CFAP20: variants seen among roughly 807,000 people sequenced by gnomAD.
CFAP20 encodes cilia and flagella associated protein 20.
CFAP20 carries 14 observed loss-of-function variants against 25.5 expected under a neutral mutation model. That is an observed-to-expected ratio of 0.55 (90% CI 0.36 to 0.86). CFAP20 has a LOEUF of 0.86. Ranked by LOEUF, CFAP20 falls within the 40% of genes least tolerant of loss-of-function variation. The probability of loss-of-function intolerance (pLI) is 0.01; values close to 1 mark genes in which losing one functional copy is unlikely to be tolerated. For synonymous variants in CFAP20, 75 were observed against 91.1 expected, an observed-to-expected ratio of 0.82 and a Z score of 1.01; for missense variants, 181 against 248.0, an observed-to-expected ratio of 0.73 and a Z score of 1.81.
chr16:58,127,628 G>A (rs926140130), intron 1 of CFAP20, among the ~76,000 whole-genome samples: 3 of 152,198 alleles, frequency 2.0e-5, no homozygotes, highest in Non-Finnish European at 4.4e-5. Context: ...AAAAACCTCA[G>A]TAACGCAGCA....
At chr16:58,124,089 G>A (rs1385662656) in intron 1 of CFAP20, among the ~76,000 whole-genome samples, 2 of 152,174 alleles carry the variant, frequency 1.3e-5, no homozygotes, top group Admixed American at 6.5e-5. Flanking sequence ...TTCAGTAGGA[G>A]GCTACTACTA....
intron 1 of CFAP20, among the ~76,000 whole-genome samples, chr16:58,121,698 A>AATC (rs1960537448): frequency 6.6e-6 from 1 of 152,156 alleles, no homozygotes; most frequent in Non-Finnish European, 1.5e-5. Context: ...CCAGTCTTAC[A>AATC]ATCACTCTCC....
intron 1 of CFAP20, among the ~76,000 whole-genome samples, chr16:58,123,956 GAA>G (rs1567448661): frequency 6.6e-6 from 1 of 152,188 alleles, no homozygotes; most frequent in East Asian, 1.9e-4. Context: ...AAAGGCCTTT[GAA>G]CTGTGACTGG....
Position 58,128,077 on chromosome 16 carries a change from C to T in CFAP20, c.84+955G>A, listed in dbSNP as rs535768885. Among the ~76,000 whole-genome samples the T allele has an allele frequency of 1.7e-3, 258 of 152,318 alleles. 1 individual carries two copies. The highest frequency in any genetic ancestry group is 6.0e-3 in the African/African-American group (250 of 41,560). On this transcript the variant is annotated intron_variant, in intron 1 of 5. Coordinates refer to ENST00000262498, the MANE Select transcript of CFAP20 (RefSeq NM_013242.3). ...AGTACTAAGAATATGACTTAAATTT[C>T]ACATTGGAGTGCCTCCCGTAACTTA...
chr16:58,122,921 G>A (rs1208966872), intron 1 of CFAP20, among the ~76,000 whole-genome samples: 1 of 152,206 alleles, frequency 6.6e-6, no homozygotes, highest in Non-Finnish European at 1.5e-5. Flanking sequence ...CTGAGAGAAA[G>A]ACAGGGTGAC....
At position 58,114,881 on chromosome 16, in the gene CFAP20, C is replaced by A; in HGVS notation, c.505G>T (p.Asp169Tyr). The A allele has an allele frequency of 6.2e-7, 1 of 1,614,120 alleles. No individual in the cohort carries two copies. The highest frequency in any genetic ancestry group is 8.5e-7 in the Non-Finnish European group (1 of 1,180,006). ...NCRIRRVYFS[D>Y]RLYSEDELPA... The stretch of plus-strand genomic sequence containing the variant: ...AGCTCATCTTCTGAGTAGAGTCTGT[C>A]TGAGAAGTAAACCCGTCGGATGCGA... Residue 169 changes from aspartate (D) to tyrosine (Y), a missense_variant, in exon 5 of 6, where the codon GAC (aspartate) becomes TAC (tyrosine). Physicochemically the swap from Asp to Tyr is radical, Grantham distance 160. Coordinates refer to ENST00000262498, the MANE Select transcript of CFAP20 (RefSeq NM_013242.3).
At position 58,113,923 on chromosome 16, in the gene CFAP20, G is replaced by C; in HGVS notation, c.*102C>G. On this transcript the variant is annotated 3_prime_UTR_variant, in exon 6 of 6. Transcript: ENST00000262498. ...AAGTATAAATAACAGAACTACAGCA[G>C]AGCAAACTAAGATAAATATGTTTTT... 1.5e-6 allele frequency: 2 copies of C among 1,356,658 alleles called. No individual in the cohort carries two copies. Among genetic ancestry groups the C allele is most frequent in the South Asian group, 2.3e-5 (2 of 85,482 alleles). The allele number at this position is 1,356,658 out of a possible 1,614,324, so 84.0% of individuals were successfully genotyped here.
rs1365968296 is a variant in CFAP20, at chr16:58,115,100, G to A, written c.465+169C>T. 3.8e-6 allele frequency: 4 copies of A among 1,064,392 alleles called. No homozygotes were observed. The East Asian group carries it at 9.9e-5, about 26-fold the overall frequency. 65.9% of individuals were successfully genotyped at this position (1,064,392 alleles called of 1,614,324 possible). On this transcript the variant is annotated intron_variant, in intron 4 of 5. Transcript: ENST00000262498. ...ACTTGCTGTATTCACCTCTATACCT[G>A]ACCCGACTTCTGAATATTTCCTGGA...
In CFAP20 at chr16:58,113,863, C is replaced by T. The variant is rs529377647; in HGVS notation, c.*162G>A. On this transcript the variant is annotated 3_prime_UTR_variant, in exon 6 of 6. Transcript: ENST00000262498. Reference sequence around the variant, plus strand: ...CACTTACAATGCAGTCACAGAGTTACGGCATGTTCACCGGTGTCCATGACA... The same window carrying T: ...CACTTACAATGCAGTCACAGAGTTATGGCATGTTCACCGGTGTCCATGACA... 8.6e-5 allele frequency: 68 copies of T among 786,914 alleles called. No individual in the cohort carries two copies. The highest frequency in any genetic ancestry group is 7.7e-4 in the African/African-American group (45 of 58,170). The allele number at this position is 786,914 out of a possible 1,614,324, so 48.7% of individuals were successfully genotyped here.
chr16:58,127,276 T>C (rs1393345226), intron 1 of CFAP20, among the ~76,000 whole-genome samples: 1 of 152,234 alleles, frequency 6.6e-6, no homozygotes. Context: ...AATGGAAAAC[T>C]GATACAAGTT....
At chr16:58,118,517 AAAAAAAACAAAACC>A (rs1283133245) in intron 1 of CFAP20, among the ~76,000 whole-genome samples, 2 of 150,344 alleles carry the variant, frequency 1.3e-5, no homozygotes, top group African/African-American at 4.9e-5. Context: ...AAAACGAAAA[AAAAAAAACAAAACC>A]AAAAAAACAT....
intron 4 of CFAP20, 87 bp from the exon 5 acceptor site, chr16:58,115,007 G>A: frequency 8.1e-7 from 1 of 1,232,114 alleles, no homozygotes; most frequent in Admixed American, 1.8e-5. Context: ...TTCCAGGACT[G>A]GAAACGCGTC....
intron 1 of CFAP20, among the ~76,000 whole-genome samples, 199 bp downstream of exon 1, chr16:58,128,833 C>CA (rs1960662443): frequency 2.4e-5 from 1 of 42,448 alleles, no homozygotes. Flanking sequence ...ACATGCACCG[C>CA]CCCCCCCCCA....
Position 58,129,220 on chromosome 16 carries a change from G to A in CFAP20, c.-105C>T, listed in dbSNP as rs1960675636. The A allele has an allele frequency of 8.5e-7, 1 of 1,179,888 alleles. No homozygotes were observed. Among genetic ancestry groups the A allele is most frequent in the South Asian group, 1.3e-5 (1 of 75,154 alleles). 73.1% of individuals were successfully genotyped at this position (1,179,888 alleles called of 1,614,324 possible). On this transcript the variant is annotated 5_prime_UTR_variant, in exon 1 of 6. Coordinates refer to ENST00000262498, the MANE Select transcript of CFAP20 (RefSeq NM_013242.3). Reference sequence around the variant, plus strand: ...CACAGCAGCAGGCCGGCCCTGTTCCGAAGAAGGGTGGTTGAGCTCCTGGCC... The same window carrying A: ...CACAGCAGCAGGCCGGCCCTGTTCCAAAGAAGGGTGGTTGAGCTCCTGGCC...
Position 58,128,942 on chromosome 16 carries a change from A to G in CFAP20, c.84+90T>C, listed in dbSNP as rs1960665371. Reference sequence around the variant, plus strand: ...GTCCTCTCGGCCTCTCCCAGGCCCCAATTCGACACAACCATTCCCCGTCCC... The same window carrying G: ...GTCCTCTCGGCCTCTCCCAGGCCCCGATTCGACACAACCATTCCCCGTCCC... On this transcript the variant is annotated intron_variant, in intron 1 of 5. Transcript: ENST00000262498. The G allele has an allele frequency of 4.8e-6, 6 of 1,260,436 alleles. No homozygotes were observed. In the South Asian group the frequency reaches 7.5e-5, roughly 16 times the overall value. 78.1% of individuals were successfully genotyped at this position (1,260,436 alleles called of 1,614,324 possible). A position where few individuals can be genotyped will look rare whatever the true frequency, so the allele number is the denominator to read the frequency against.
chr16:58,128,990 T>C, intron 1 of CFAP20, 42 bp downstream of exon 1: 2 of 1,525,414 alleles, frequency 1.3e-6, no homozygotes, highest in Non-Finnish European at 1.8e-6. Context: ...GAGGAGGGGG[T>C]GCAGCCCCTC....
intron 3 of CFAP20, 125 bp downstream of exon 3, chr16:58,115,916 C>A: frequency 1.5e-6 from 1 of 647,912 alleles, no homozygotes; most frequent in Non-Finnish European, 2.7e-6. Flanking sequence ...TGGGCTTATA[C>A]TAGAAGCAGA....
rs1025217182 is a variant in CFAP20 at position 58,115,257 on chromosome 16, A to G, written c.465+12T>C. 1.9e-6 allele frequency: 3 copies of G among 1,614,148 alleles called. No individual in the cohort carries two copies. Among genetic ancestry groups the G allele is most frequent in the Non-Finnish European group, 2.5e-6 (3 of 1,180,014 alleles). On this transcript the variant is annotated intron_variant, in intron 4 of 5. Transcript: ENST00000262498. Reference sequence around the variant, plus strand: ...CCCCAACCCAGGGCTCTATCTGGGAAAGGAGCAGTACCTGCACTCTGAGGG... The same window carrying G: ...CCCCAACCCAGGGCTCTATCTGGGAGAGGAGCAGTACCTGCACTCTGAGGG...
intron 1 of CFAP20, chr16:58,117,189 C>T (rs1446007616): frequency 1.9e-6 from 1 of 527,352 alleles, no homozygotes; most frequent in East Asian, 3.1e-5. Flanking sequence ...AATACATCAA[C>T]TCAATTTAGA....
Sources: allele counts gnomAD v4.1 joint callset (sites outside exome capture counted in the v4.1 genomes callset), GRCh38; gene constraint gnomAD v4.1.1; transcripts MANE v1.5; gene names NCBI Gene and HGNC (gene_info 2026-07-23, HGNC 2026-07-21).